Variants in CSMD2 observed in about 807,000 individuals in gnomAD.
CSMD2 encodes CUB and Sushi multiple domains 2.
In CSMD2, 130 loss-of-function variants were observed where a neutral mutation model predicts 398.5. The ratio of observed to expected loss-of-function variants is 0.33; its 90% confidence interval spans 0.28 to 0.38. The LOEUF is 0.38. Among genes scored for constraint, CSMD2 ranks in the 10% least tolerant of loss-of-function variants. The probability of loss-of-function intolerance (pLI) is 1.00; values close to 1 mark genes in which losing one functional copy is unlikely to be tolerated. For missense variants in CSMD2, 3,829 were observed against 4,764.9 expected (o/e 0.80, Z 5.78); for synonymous variants, 1,828 against 1,908.5 (o/e 0.96, Z 1.10).
chr1:33,588,777 AAAG>A (rs1242046267), intron 44 of CSMD2, among the ~76,000 whole-genome samples: 6 of 152,164 alleles, frequency 3.9e-5, no homozygotes, highest in African/African-American at 1.4e-4. Flanking sequence ...CTCTAGGCAG[AAAG>A]AAGGTCTAGC....
chr1:33,627,229 G>T (rs1314645870), intron 32 of CSMD2, among the ~76,000 whole-genome samples: 1 of 152,162 alleles, frequency 6.6e-6, no homozygotes, highest in Non-Finnish European at 1.5e-5. Flanking sequence ...CACACAAACT[G>T]GGGGGAACCT....
At chr1:34,132,120 G>T (rs543803462) in intron 1 of CSMD2, among the ~76,000 whole-genome samples, 1 of 152,248 alleles carries the variant, frequency 6.6e-6, no homozygotes, top group East Asian at 1.9e-4. Flanking sequence ...CTGTAAGGAG[G>T]AAGAGCAAGA....
intron 2 of CSMD2, among the ~76,000 whole-genome samples, chr1:34,033,810 T>C (rs943645143): frequency 6.6e-6 from 1 of 152,198 alleles, no homozygotes; most frequent in African/African-American, 2.4e-5. Flanking sequence ...AGGGCATGAG[T>C]ATCGGGCTCA....
chr1:34,059,600 C>T (rs1046352974), intron 2 of CSMD2, among the ~76,000 whole-genome samples: 1 of 152,108 alleles, frequency 6.6e-6, no homozygotes, highest in Non-Finnish European at 1.5e-5. Flanking sequence ...ACTGTTTTTG[C>T]GATGCCTGTT....
intron 25 of CSMD2, among the ~76,000 whole-genome samples, chr1:33,690,088 G>T (rs112784810): frequency 2.0e-5 from 3 of 151,980 alleles, no homozygotes; most frequent in Non-Finnish European, 2.9e-5. Context: ...GTCCCACTCC[G>T]CCCATTCTCC....
intron 44 of CSMD2, among the ~76,000 whole-genome samples, chr1:33,597,918 G>A (rs780958326): frequency 2.0e-5 from 3 of 152,216 alleles, no homozygotes; most frequent in Non-Finnish European, 2.9e-5. Context: ...GCAGTCACGT[G>A]CATCAACATG....
chr1:34,139,429 T>C (rs899263716), intron 1 of CSMD2, among the ~76,000 whole-genome samples: 1 of 152,224 alleles, frequency 6.6e-6, no homozygotes, highest in African/African-American at 2.4e-5. Flanking sequence ...GCCTCCAGAA[T>C]TGTAAGAGAT....
intron 5 of CSMD2, among the ~76,000 whole-genome samples, chr1:33,904,569 A>G (rs1260404641): frequency 3.9e-5 from 6 of 151,938 alleles, no homozygotes; most frequent in Non-Finnish European, 5.9e-5. Context: ...GGTACTAGAG[A>G]TAGATAGTGG....
intron 3 of CSMD2, among the ~76,000 whole-genome samples, chr1:33,942,856 C>T (rs1246206664): frequency 6.6e-6 from 1 of 152,194 alleles, no homozygotes; most frequent in Non-Finnish European, 1.5e-5. Flanking sequence ...TGGCCTCTCT[C>T]CTAGAGTTTC....
chr1:33,530,251 A>G (rs560158392), intron 64 of CSMD2, among the ~76,000 whole-genome samples: 3 of 152,342 alleles, frequency 2.0e-5, no homozygotes, highest in Non-Finnish European at 4.4e-5. Flanking sequence ...CGATAGCAAG[A>G]AAATAGATAA....
intron 5 of CSMD2, among the ~76,000 whole-genome samples, chr1:33,916,854 C>A (rs538288347): frequency 6.6e-6 from 1 of 152,246 alleles, no homozygotes; most frequent in South Asian, 2.1e-4. Context: ...CTTAAAAAAC[C>A]ATGTCTCACT....
intron 5 of CSMD2, among the ~76,000 whole-genome samples, chr1:33,914,711 C>T (rs1169273164): frequency 6.6e-6 from 1 of 152,168 alleles, no homozygotes; most frequent in Admixed American, 6.6e-5. Flanking sequence ...AACTGGCCCA[C>T]TGATTGCTGC....
At chr1:34,052,710 C>T (rs906968253) in intron 2 of CSMD2, among the ~76,000 whole-genome samples, 5 of 152,166 alleles carry the variant, frequency 3.3e-5, no homozygotes, top group African/African-American at 1.2e-4. Flanking sequence ...GTCCATCATG[C>T]TTACTCTAGT....
At chr1:33,554,724 G>A (rs753620296) in intron 55 of CSMD2, among the ~76,000 whole-genome samples, 6 of 152,124 alleles carry the variant, frequency 3.9e-5, no homozygotes, top group African/African-American at 7.2e-5. Context: ...GGATGACAGC[G>A]CATCTGTTTA....
chr1:33,939,130 C>T (rs1644583172), intron 3 of CSMD2, among the ~76,000 whole-genome samples: 1 of 151,904 alleles, frequency 6.6e-6, no homozygotes, highest in Admixed American at 6.6e-5. Context: ...TGTACTGTTG[C>T]TGGCTTACTT....
intron 19 of CSMD2, among the ~76,000 whole-genome samples, chr1:33,721,293 G>A (rs1248721128): frequency 1.3e-5 from 2 of 152,162 alleles, no homozygotes; most frequent in African/African-American, 4.8e-5. Context: ...TACCACTAAA[G>A]CATAAACTTC....
At chr1:33,535,237 T>C (rs1195925260) in intron 62 of CSMD2, among the ~76,000 whole-genome samples, 1 of 152,214 alleles carries the variant, frequency 6.6e-6, no homozygotes, top group East Asian at 1.9e-4. Flanking sequence ...TTAAGAGCTA[T>C]GGACATGGTT....
intron 1 of CSMD2, among the ~76,000 whole-genome samples, chr1:34,150,706 A>C (rs985526859): frequency 1.3e-5 from 2 of 152,004 alleles, no homozygotes; most frequent in Non-Finnish European, 2.9e-5. Context: ...TGAGGTCAGG[A>C]GTGCAAGACT....
intron 3 of CSMD2, among the ~76,000 whole-genome samples, chr1:33,939,495 A>G (rs1284604349): frequency 6.6e-6 from 1 of 152,074 alleles, no homozygotes; most frequent in East Asian, 1.9e-4. Context: ...CTGGTGTAGA[A>G]CTAACGTGTC....
Sources: gnomAD v4.1 joint callset for allele counts (sites outside exome capture counted in the v4.1 genomes callset) on GRCh38, gnomAD v4.1.1 for gene constraint, MANE v1.5 for transcripts, NCBI Gene and HGNC (gene_info 2026-07-23, HGNC 2026-07-21) for gene names.